IPCEF1: variants seen among roughly 807,000 people sequenced by gnomAD.
IPCEF1 encodes the protein interactor protein for cytohesin exchange factors 1.
Under a neutral mutation model 50.9 loss-of-function variants are expected in IPCEF1, and 31 were observed. That is an observed-to-expected ratio of 0.61 (90% CI 0.46 to 0.82). The LOEUF is 0.82. Ranked by LOEUF, IPCEF1 falls within the 40% of genes least tolerant of loss-of-function variation. IPCEF1 has a pLI of 0.00. For synonymous variants in IPCEF1, 181 were observed against 192.0 expected, an observed-to-expected ratio of 0.94 and a Z score of 0.47; for missense variants, 458 against 514.0, an observed-to-expected ratio of 0.89 and a Z score of 1.05.
chr6:154,263,230 C>CTTT (rs10701125), intron 3 of IPCEF1, among the ~76,000 whole-genome samples: 115,351 of 147,836 alleles, frequency 0.78, 45,659 homozygotes, highest in Admixed American at 0.83. Flanking sequence ...GTAAATGAGT[C>CTTT]TTTTTTTTTT....
intron 10 of IPCEF1, among the ~76,000 whole-genome samples, chr6:154,184,316 T>A (rs942032307): frequency 1.1e-4 from 17 of 152,114 alleles, no homozygotes; most frequent in African/African-American, 4.1e-4. Context: ...ATCACCTACA[T>A]TTCCATCTTT....
chr6:154,205,697 G>A (rs763947065), intron 9 of IPCEF1, among the ~76,000 whole-genome samples: 23 of 152,048 alleles, frequency 1.5e-4, no homozygotes, highest in Non-Finnish European at 2.2e-4. Context: ...GAATTTGAGC[G>A]GCTGTGTATT....
intron 2 of IPCEF1, among the ~76,000 whole-genome samples, chr6:154,281,604 G>A (rs1782212811): frequency 6.6e-6 from 1 of 152,138 alleles, no homozygotes; most frequent in South Asian, 2.1e-4. Flanking sequence ...ACTCACGCCT[G>A]TAATCCCAGC....
chr6:154,160,465 AAT>A (rs1354376673), intron 11 of IPCEF1, among the ~76,000 whole-genome samples: 2 of 152,248 alleles, frequency 1.3e-5, no homozygotes, highest in Non-Finnish European at 2.9e-5. Flanking sequence ...GGCAACATAA[AAT>A]ATGTCTTTTA....
intron 7 of IPCEF1, among the ~76,000 whole-genome samples, chr6:154,215,920 G>A (rs1419075221): frequency 6.6e-6 from 1 of 152,022 alleles, no homozygotes; most frequent in African/African-American, 2.4e-5. Flanking sequence ...CTCAAACACA[G>A]GAAAATATTT....
chr6:154,260,704 C>T (rs904142871), intron 3 of IPCEF1, among the ~76,000 whole-genome samples: 3 of 152,132 alleles, frequency 2.0e-5, no homozygotes, highest in Non-Finnish European at 2.9e-5. Context: ...ATCTCCTGAC[C>T]TCGTGATCCA....
intron 9 of IPCEF1, among the ~76,000 whole-genome samples, chr6:154,204,079 G>A (rs1583789718): frequency 2.0e-5 from 3 of 152,264 alleles, no homozygotes; most frequent in South Asian, 4.1e-4. Flanking sequence ...ATATTTAAAT[G>A]AGGAAGTTAA....
intron 3 of IPCEF1, among the ~76,000 whole-genome samples, chr6:154,259,469 A>G (rs958109928): frequency 1.2e-4 from 18 of 152,096 alleles, no homozygotes; most frequent in African/African-American, 4.1e-4. Flanking sequence ...CCTGACCAAC[A>G]TGGAGAAGCC....
At chr6:154,170,615 C>A (rs1314105547) in intron 10 of IPCEF1, among the ~76,000 whole-genome samples, 1 of 152,242 alleles carries the variant, frequency 6.6e-6, no homozygotes, top group African/African-American at 2.4e-5. Flanking sequence ...AAAACTACAT[C>A]TGAAGACAAT....
intron 3 of IPCEF1, among the ~76,000 whole-genome samples, chr6:154,254,405 AAGAG>A (rs1781410647): frequency 6.6e-6 from 1 of 152,180 alleles, no homozygotes; most frequent in Non-Finnish European, 1.5e-5. Context: ...CAGCAGGAGA[AAGAG>A]AGAAGCAGGA....
chr6:154,323,316 T>G (rs1783437596), intron 1 of IPCEF1, among the ~76,000 whole-genome samples: 1 of 151,994 alleles, frequency 6.6e-6, no homozygotes, highest in Non-Finnish European at 1.5e-5. Context: ...GTTCCCTTGC[T>G]CCTTGGGGAC....
Position 154,231,594 on chromosome 6 carries a change from GA to G in IPCEF1, c.247-8352del, listed in dbSNP as rs1474154280. Among the ~76,000 whole-genome samples, 6 of 152,334 alleles carry G rather than the reference GA, an allele frequency of 3.9e-5. No homozygotes were observed. The South Asian group carries it at 1.2e-3, about 32-fold the overall frequency. ...GAGCAATCTCTAGGACATAGTGAGA[GA>G]AAAAGTAAGGTGCAGTACTATATAT... On this transcript the variant is annotated intron_variant, in intron 5 of 11. Coordinates refer to ENST00000367220, the MANE Select transcript of IPCEF1 (RefSeq NM_001130700.2).
At position 154,213,486 on chromosome 6, in the gene IPCEF1, G is replaced by T. The variant is rs17085211; in HGVS notation, c.452-631C>A. Reference sequence around the variant, plus strand: ...TGGCTAGGACACCACCGATTTCATGGTATTGCACGGTACCCCTTTACTGTT... The same window carrying T: ...TGGCTAGGACACCACCGATTTCATGTTATTGCACGGTACCCCTTTACTGTT... On this transcript the variant is annotated intron_variant, in intron 8 of 11. Transcript: ENST00000367220. 3.7e-3 allele frequency among the ~76,000 whole-genome samples: 567 copies of T among 152,292 alleles called. 26 individuals are homozygous for T. In the East Asian group the frequency reaches 0.093, roughly 25 times the overall value.
intron 3 of IPCEF1, among the ~76,000 whole-genome samples, chr6:154,250,305 C>T (rs959197538): frequency 1.3e-5 from 2 of 149,412 alleles, no homozygotes; most frequent in Non-Finnish European, 3.0e-5. Flanking sequence ...GATGGTTTTT[C>T]AATAGGGGAA....
chr6:154,197,626 G>T (rs1053916304), intron 10 of IPCEF1, among the ~76,000 whole-genome samples: 1 of 152,180 alleles, frequency 6.6e-6, no homozygotes, highest in Non-Finnish European at 1.5e-5. Context: ...CATTAAAAGG[G>T]CTGGTGGTAC....
At chr6:154,180,414 A>ATATATTTTTTTT (rs1241250621) in intron 10 of IPCEF1, among the ~76,000 whole-genome samples, 2 of 65,264 alleles carry the variant, frequency 3.1e-5, no homozygotes, top group African/African-American at 9.6e-5. Context: ...ATATATATAT[A>ATATATTTTTTTT]TTTTTTTTTT....
chr6:154,273,236 C>T (rs911333182), intron 2 of IPCEF1, among the ~76,000 whole-genome samples: 2 of 152,188 alleles, frequency 1.3e-5, no homozygotes, highest in Admixed American at 6.5e-5. Flanking sequence ...ACAAAGTCCA[C>T]AAACACAGGC....
At chr6:154,277,347 C>A (rs1782088397) in intron 2 of IPCEF1, among the ~76,000 whole-genome samples, 1 of 152,204 alleles carries the variant, frequency 6.6e-6, no homozygotes, top group Non-Finnish European at 1.5e-5. Flanking sequence ...AAATACCCCC[C>A]ATCCCAAATT....
At chr6:154,227,021 ACT>A (rs1423583263) in intron 5 of IPCEF1, among the ~76,000 whole-genome samples, 32 of 152,070 alleles carry the variant, frequency 2.1e-4, no homozygotes, top group South Asian at 6.2e-4. Flanking sequence ...ACATGGTGAA[ACT>A]CTATCTCTAC....
Sources: allele counts gnomAD v4.1 joint callset (sites outside exome capture counted in the v4.1 genomes callset), GRCh38; gene constraint gnomAD v4.1.1; transcripts MANE v1.5; gene names NCBI Gene and HGNC (gene_info 2026-07-23, HGNC 2026-07-21).